EPHA5: variants seen among roughly 807,000 people sequenced by gnomAD.
EPHA5 encodes EPH receptor A5, also known as ephrin type-A receptor 5.
A neutral mutation model predicts 105.0 loss-of-function variants in EPHA5; 60 were observed. That is an observed-to-expected ratio of 0.57 (90% CI 0.46 to 0.71). The LOEUF (loss-of-function observed/expected upper bound fraction) is 0.71. EPHA5 is among the 30% of genes least tolerant of loss of function. The probability of loss-of-function intolerance (pLI) is 0.00; values close to 1 mark genes in which losing one functional copy is unlikely to be tolerated. For synonymous variants in EPHA5, 513 were observed against 449.1 expected (o/e 1.14, Z -1.80); for missense variants, 1,218 against 1,274.7 (o/e 0.96, Z 0.68).
At chr4:65,573,733 T>A in intron 3 of EPHA5, 6 of 1,603,690 alleles carry the variant, frequency 3.7e-6, no homozygotes, top group Non-Finnish European at 8.5e-7. Context: ...CTTGCAACTG[T>A]TACAAAACCA....
chr4:65,568,908 T>C (rs1344652132), intron 3 of EPHA5, among the ~76,000 whole-genome samples: 2 of 151,106 alleles, frequency 1.3e-5, no homozygotes, highest in African/African-American at 4.8e-5. Context: ...TCAGTATATA[T>C]TCTAAAACTC....
At chr4:65,457,323 T>G (rs1267786765) in intron 5 of EPHA5, among the ~76,000 whole-genome samples, 1 of 152,076 alleles carries the variant, frequency 6.6e-6, no homozygotes, top group Non-Finnish European at 1.5e-5. Flanking sequence ...CCTCGCCTGT[T>G]AACTGGGGAG....
rs184002704 is a variant in EPHA5, at chr4:65,473,530, A to C, written c.1402+16847T>G. 1.3e-4 allele frequency among the ~76,000 whole-genome samples: 20 copies of C among 152,306 alleles called. 1 individual carries two copies. The highest frequency in any genetic ancestry group is 4.6e-4 in the African/African-American group (19 of 41,570). The stretch of plus-strand genomic sequence containing the variant: ...AAACGGTGACAGGCAAAACAGAGAG[A>C]GAGCAAGTGCAGGAAAAACTGCCTG... On this transcript the variant is annotated intron_variant, in intron 5 of 16. Coordinates refer to ENST00000613740, the MANE Select transcript of EPHA5 (RefSeq NM_001281766.3).
At position 65,326,176 on chromosome 4, in the gene EPHA5, C is replaced by A. The variant is rs945135029; in HGVS notation, c.2946-1957G>T. Reference sequence around the variant, plus strand: ...TCCTGTATGCTAGAAATATCAATAACCCTATGATACAGATTTTTAAATTTC... The same window carrying A: ...TCCTGTATGCTAGAAATATCAATAAACCTATGATACAGATTTTTAAATTTC... On this transcript the variant is annotated intron_variant, in intron 16 of 16. Coordinates refer to ENST00000613740, the MANE Select transcript of EPHA5 (RefSeq NM_001281766.3). Among the ~76,000 whole-genome samples, 3 of 150,696 alleles carry A rather than the reference C, an allele frequency of 2.0e-5. No homozygotes were observed. In the East Asian group the frequency reaches 5.9e-4, roughly 30 times the overall value.
intron 3 of EPHA5, among the ~76,000 whole-genome samples, chr4:65,504,851 T>C (rs73822187): frequency 0.014 from 2,182 of 152,158 alleles, 59 homozygotes; most frequent in African/African-American, 0.049. Context: ...AATTCAGGTA[T>C]CTTTCAAAGC....
At chr4:65,530,994 G>C (rs1041886899) in intron 3 of EPHA5, among the ~76,000 whole-genome samples, 1 of 143,230 alleles carries the variant, frequency 7.0e-6, no homozygotes, top group African/African-American at 2.6e-5. Context: ...TTAGCTGGAT[G>C]GATTTTTTTT....
At chr4:65,518,397 G>A (rs1487449755) in intron 3 of EPHA5, among the ~76,000 whole-genome samples, 1 of 151,104 alleles carries the variant, frequency 6.6e-6, no homozygotes, top group Non-Finnish European at 1.5e-5. Flanking sequence ...TTGTTTGTTT[G>A]TAAATACATG....
At chr4:65,527,161 A>G (rs559499684) in intron 3 of EPHA5, among the ~76,000 whole-genome samples, 23 of 152,258 alleles carry the variant, frequency 1.5e-4, no homozygotes, top group African/African-American at 5.1e-4. Context: ...CTGCATATTT[A>G]CTATACTAAC....
chr4:65,510,410 G>A (rs1578292014), intron 3 of EPHA5, among the ~76,000 whole-genome samples: 1 of 151,944 alleles, frequency 6.6e-6, no homozygotes, highest in East Asian at 1.9e-4. Context: ...TTCTCCATAT[G>A]CCTGTTCCTA....
At chr4:65,516,087 A>G (rs1734078037) in intron 3 of EPHA5, among the ~76,000 whole-genome samples, 1 of 152,094 alleles carries the variant, frequency 6.6e-6, no homozygotes, top group African/African-American at 2.4e-5. Context: ...TTTCCATTAT[A>G]TAACACACAT....
At chr4:65,662,433 C>A (rs1749631143) in intron 1 of EPHA5, among the ~76,000 whole-genome samples, 1 of 151,990 alleles carries the variant, frequency 6.6e-6, no homozygotes, top group East Asian at 1.9e-4. Flanking sequence ...CAGAAGATGG[C>A]CTGGGCAATA....
intron 3 of EPHA5, among the ~76,000 whole-genome samples, chr4:65,504,364 A>AT (rs1176884767): frequency 6.1e-5 from 7 of 115,448 alleles, no homozygotes; most frequent in Non-Finnish European, 1.0e-4. Context: ...ATATATTGAA[A>AT]AATATATATA....
At chr4:65,415,190 G>T (rs1723275379) in intron 6 of EPHA5, among the ~76,000 whole-genome samples, 1 of 151,996 alleles carries the variant, frequency 6.6e-6, no homozygotes, top group Non-Finnish European at 1.5e-5. Flanking sequence ...TCTCTGTGAA[G>T]TTACCACACC....
Position 65,323,066 on chromosome 4 carries a change from C to G in EPHA5, c.*1048G>C, listed in dbSNP as rs1719765711. 1 of 228,872 alleles carries G rather than the reference C, an allele frequency of 4.4e-6. No homozygotes were observed. The highest frequency in any genetic ancestry group is 2.2e-5 in the African/African-American group (1 of 45,026). The allele number at this position is 228,872 out of a possible 1,614,324, so 14.2% of individuals were successfully genotyped here. Reference sequence around the variant, plus strand: ...CAACTTTGCTTGACAAGATACTTTTCAGGACTCAGAAAGGTGAAATTTCTT... The same window carrying G: ...CAACTTTGCTTGACAAGATACTTTTGAGGACTCAGAAAGGTGAAATTTCTT... On this transcript the variant is annotated 3_prime_UTR_variant, in exon 17 of 17. Coordinates refer to ENST00000613740, the MANE Select transcript of EPHA5 (RefSeq NM_001281766.3).
intron 3 of EPHA5, among the ~76,000 whole-genome samples, chr4:65,509,991 T>C (rs1733441736): frequency 6.6e-6 from 1 of 151,910 alleles, no homozygotes; most frequent in South Asian, 2.1e-4. Flanking sequence ...GTGGACGACA[T>C]TTCAAGTCTA....
chr4:65,389,691 T>G (rs1032203061), intron 8 of EPHA5, among the ~76,000 whole-genome samples: 27 of 152,002 alleles, frequency 1.8e-4, no homozygotes, highest in African/African-American at 6.0e-4. Context: ...GGAATAGGCA[T>G]AGCAATATCA....
At chr4:65,606,287 G>A (rs2149448794) in intron 2 of EPHA5, among the ~76,000 whole-genome samples, 1 of 152,072 alleles carries the variant, frequency 6.6e-6, no homozygotes, top group Non-Finnish European at 1.5e-5. Flanking sequence ...ACAGAGTAGG[G>A]CACTTGATAT....
chr4:65,410,897 A>C (rs963331846), intron 7 of EPHA5, among the ~76,000 whole-genome samples: 31 of 152,176 alleles, frequency 2.0e-4, no homozygotes, highest in Non-Finnish European at 5.9e-5. Flanking sequence ...TGATTGATAA[A>C]TCTTGGGCAT....
chr4:65,429,217 A>G (rs984511506), intron 5 of EPHA5, among the ~76,000 whole-genome samples: 2 of 152,098 alleles, frequency 1.3e-5, no homozygotes, highest in East Asian at 1.9e-4. Context: ...GTGCATTTGG[A>G]AAACTTTAAT....
Sources: allele counts gnomAD v4.1 joint callset (sites outside exome capture counted in the v4.1 genomes callset), GRCh38; gene constraint gnomAD v4.1.1; transcripts MANE v1.5; gene names NCBI Gene and HGNC (gene_info 2026-07-23, HGNC 2026-07-21).